MTMR3: variants seen among roughly 807,000 people sequenced by gnomAD.
MTMR3 encodes the protein myotubularin related protein 3, also known as phosphatidylinositol-3,5-bisphosphate 3-phosphatase MTMR3.
In MTMR3, 32 loss-of-function variants were observed where a neutral mutation model predicts 132.4. That is an observed-to-expected ratio of 0.24 (90% CI 0.18 to 0.32). The LOEUF (loss-of-function observed/expected upper bound fraction) is 0.32. Ranked by LOEUF, MTMR3 falls within the 10% of genes least tolerant of loss-of-function variation. MTMR3 has a pLI of 1.00. For synonymous variants in MTMR3, 556 were observed against 550.3 expected, an observed-to-expected ratio of 1.01 and a Z score of -0.14; for missense variants, 1,216 against 1,489.6, an observed-to-expected ratio of 0.82 and a Z score of 3.02.
chr22:29,927,980 G>A (rs1602491675), intron 1 of MTMR3, among the ~76,000 whole-genome samples: 2 of 85,720 alleles, frequency 2.3e-5, no homozygotes, highest in Admixed American at 1.8e-4. Context: ...TTGCTTTGTC[G>A]CCCCCACAGA....
At chr22:29,978,582 A>T (rs762583960) in intron 4 of MTMR3, 51 bp downstream of exon 4, 2 of 1,396,760 alleles carry the variant, frequency 1.4e-6, no homozygotes, top group Non-Finnish European at 2.0e-6. Flanking sequence ...CATTAACTGT[A>T]TAGCAGAGTT....
chr22:30,025,736 C>G lies in MTMR3; in HGVS notation c.3532C>G (p.Leu1178Val). The G allele has an allele frequency of 6.2e-7, 1 of 1,614,192 alleles. No homozygotes were observed. The highest frequency in any genetic ancestry group is 1.1e-5 in the South Asian group (1 of 91,076). The change falls in exon 20 of 20, where the codon CTA (leucine) becomes GTA (valine). Residue 1178 changes from leucine (L) to valine (V), a missense_variant. Around this residue, in one of 7 missense-constraint regions of MTMR3, gnomAD observed 852 missense variants for 852.0 expected, o/e 1.00. Coordinates refer to ENST00000401950, the MANE Select transcript of MTMR3 (RefSeq NM_021090.4). ...SRVCKSCYSS[L>V]HPTSSSIDLE... The stretch of plus-strand genomic sequence containing the variant: ...AGTATGCAAGTCTTGCTATAGCAGC[C>G]TACATCCCACAAGCTCCAGCATTGA...
intron 1 of MTMR3, among the ~76,000 whole-genome samples, chr22:29,936,032 G>A (rs1306396357): frequency 2.0e-5 from 3 of 148,822 alleles, no homozygotes; most frequent in Non-Finnish European, 4.5e-5. Flanking sequence ...GTTTACAGGC[G>A]TGAGTCACTG....
chr22:29,990,827 G>C (rs1488260463), intron 6 of MTMR3: 2 of 152,150 alleles, frequency 1.3e-5, no homozygotes, highest in Admixed American at 6.5e-5. Flanking sequence ...CCAGTGATCT[G>C]CCCGTCTTGG....
At chr22:29,887,477 T>G (rs1431253956) in intron 1 of MTMR3, among the ~76,000 whole-genome samples, 1 of 152,218 alleles carries the variant, frequency 6.6e-6, no homozygotes, top group Non-Finnish European at 1.5e-5. Flanking sequence ...AAACCTAGTC[T>G]GTATTGTCAA....
intron 5 of MTMR3, chr22:29,981,497 G>A (rs905966680): frequency 2.0e-5 from 3 of 151,970 alleles, no homozygotes; most frequent in Non-Finnish European, 4.4e-5. Flanking sequence ...TTTTCTGTTA[G>A]CATCATAACC....
chr22:29,952,872 C>T (rs888915266), intron 1 of MTMR3, among the ~76,000 whole-genome samples: 2 of 152,028 alleles, frequency 1.3e-5, no homozygotes, highest in African/African-American at 4.8e-5. Flanking sequence ...TGGTCTTACC[C>T]AACATGCTAC....
chr22:29,895,382 A>C (rs2064874378), intron 1 of MTMR3, among the ~76,000 whole-genome samples: 1 of 152,226 alleles, frequency 6.6e-6, no homozygotes, highest in South Asian at 2.1e-4. Flanking sequence ...GATGAGAAAT[A>C]AGTTTGTTTA....
intron 9 of MTMR3, chr22:30,005,268 CTG>C (rs1157276394): frequency 7.2e-5 from 11 of 152,204 alleles, no homozygotes; most frequent in African/African-American, 2.2e-4. Context: ...TGATTTTTAA[CTG>C]TAGTGTTTGA....
intron 1 of MTMR3, among the ~76,000 whole-genome samples, chr22:29,918,300 T>G (rs1181376090): frequency 6.6e-6 from 1 of 152,218 alleles, no homozygotes; most frequent in East Asian, 1.9e-4. Flanking sequence ...CTTTTCTTCT[T>G]GTACTGAAAA....
intron 17 of MTMR3, 164 bp downstream of exon 17, chr22:30,021,048 C>T (rs1053440334): frequency 1.6e-5 from 11 of 689,604 alleles, no homozygotes; most frequent in South Asian, 4.0e-5. Flanking sequence ...TCCACGACAG[C>T]GATGGCAGCC....
intron 1 of MTMR3, among the ~76,000 whole-genome samples, chr22:29,892,095 G>C (rs1159285860): frequency 1.3e-5 from 2 of 151,810 alleles, no homozygotes; most frequent in Non-Finnish European, 2.9e-5. Context: ...GGAGGTTGCA[G>C]TGAGCTGAGA....
chr22:29,898,027 G>A (rs1377622240), intron 1 of MTMR3, among the ~76,000 whole-genome samples: 1 of 151,890 alleles, frequency 6.6e-6, no homozygotes, highest in African/African-American at 2.4e-5. Flanking sequence ...CCAGGCTGTA[G>A]TACAGAGGCA....
intron 3 of MTMR3, among the ~76,000 whole-genome samples, chr22:29,972,880 CCTTT>C (rs753931990): frequency 2.0e-5 from 3 of 152,102 alleles, no homozygotes; most frequent in Non-Finnish European, 2.9e-5. Context: ...TGGTTATATT[CCTTT>C]CTAACTAGTT....
intron 2 of MTMR3, among the ~76,000 whole-genome samples, chr22:29,966,023 T>C (rs1252300325): frequency 6.6e-6 from 1 of 152,182 alleles, no homozygotes; most frequent in Non-Finnish European, 1.5e-5. Flanking sequence ...AAAAAAACTT[T>C]ATGTGAAAAT....
chr22:29,927,305 C>G (rs1297616211), intron 1 of MTMR3, among the ~76,000 whole-genome samples: 2 of 152,096 alleles, frequency 1.3e-5, no homozygotes, highest in Non-Finnish European at 2.9e-5. Context: ...TCAGCTTTGT[C>G]CTTTTTTCAT....
chr22:29,914,283 A>G (rs1210419086), intron 1 of MTMR3, among the ~76,000 whole-genome samples: 1 of 152,186 alleles, frequency 6.6e-6, no homozygotes, highest in Non-Finnish European at 1.5e-5. Flanking sequence ...CATTCTTACT[A>G]ACTTAAGTCA....
At chr22:30,017,760 A>G (rs977208365) in intron 15 of MTMR3, 167 bp from the exon 16 acceptor site, 6 of 730,692 alleles carry the variant, frequency 8.2e-6, no homozygotes, top group Admixed American at 6.6e-5. Context: ...CTAGTCCTGT[A>G]TTGGTCCTCT....
chr22:30,022,431 G>A (rs911785621), intron 18 of MTMR3, 178 bp from the exon 19 acceptor site: 2 of 634,538 alleles, frequency 3.2e-6, no homozygotes, highest in East Asian at 2.7e-5. Context: ...GGAGATTGGA[G>A]TCCCCTCCAG....
Sources: gnomAD v4.1 joint callset for allele counts (sites outside exome capture counted in the v4.1 genomes callset) on GRCh38, gnomAD v4.1.1 for gene constraint, gnomAD v4.1.1 regional missense constraint, MANE v1.5 for transcripts, NCBI Gene and HGNC (gene_info 2026-07-23, HGNC 2026-07-21) for gene names.